The following EXOC4 variants were observed in gnomAD, a reference collection of about 807,000 sequenced individuals.
EXOC4 encodes the protein SEC8-like 1.
In EXOC4, 71 loss-of-function variants were observed where a neutral mutation model predicts 107.2. That is an observed-to-expected ratio of 0.66 (90% CI 0.55 to 0.81). EXOC4 has a LOEUF of 0.81. Ranked by LOEUF, EXOC4 falls within the 30% of genes least tolerant of loss-of-function variation. The probability of loss-of-function intolerance (pLI) is 0.00; values close to 1 mark genes in which losing one functional copy is unlikely to be tolerated. For missense variants in EXOC4, 1,108 were observed against 1,189.6 expected, an observed-to-expected ratio of 0.93 and a Z score of 1.01; for synonymous variants, 456 against 441.2, an observed-to-expected ratio of 1.03 and a Z score of -0.42.
At chr7:133,409,125 T>G (rs1797297856) in intron 7 of EXOC4, among the ~76,000 whole-genome samples, 1 of 152,192 alleles carries the variant, frequency 6.6e-6, no homozygotes, top group Admixed American at 6.5e-5. Flanking sequence ...TCTGTGTTGT[T>G]CATAAGGGAT....
chr7:134,039,725 C>CA (rs1399711516), intron 17 of EXOC4, among the ~76,000 whole-genome samples: 2 of 152,158 alleles, frequency 1.3e-5, no homozygotes, highest in African/African-American at 4.8e-5. Context: ...AGTTTACATG[C>CA]AAAGCTCATC....
At chr7:133,401,032 T>C (rs778756482) in intron 7 of EXOC4, among the ~76,000 whole-genome samples, 4 of 152,146 alleles carry the variant, frequency 2.6e-5, no homozygotes, top group Non-Finnish European at 4.4e-5. Context: ...TAAAAGTTTT[T>C]TAAATGTCCT....
At chr7:133,807,532 T>C (rs1797108082) in intron 10 of EXOC4, among the ~76,000 whole-genome samples, 1 of 152,072 alleles carries the variant, frequency 6.6e-6, no homozygotes, top group South Asian at 2.1e-4. Flanking sequence ...AGGTGTATGA[T>C]GGATATTTTG....
intron 1 of EXOC4, among the ~76,000 whole-genome samples, chr7:133,273,211 G>A (rs1377478893): frequency 1.3e-5 from 2 of 152,186 alleles, no homozygotes; most frequent in Non-Finnish European, 2.9e-5. Context: ...AAAACAACAA[G>A]AAGACATGAT....
At chr7:133,665,642 T>G (rs1274554032) in intron 10 of EXOC4, among the ~76,000 whole-genome samples, 1 of 152,140 alleles carries the variant, frequency 6.6e-6, no homozygotes, top group African/African-American at 2.4e-5. Context: ...TTCAGAACAC[T>G]TTTTACCCTA....
At chr7:133,815,858 G>A (rs1316755557) in intron 10 of EXOC4, among the ~76,000 whole-genome samples, 4 of 152,128 alleles carry the variant, frequency 2.6e-5, no homozygotes, top group Admixed American at 6.5e-5. Context: ...CTGTAACTCC[G>A]TTTACATTCA....
chr7:133,721,591 C>T (rs994000903), intron 10 of EXOC4, among the ~76,000 whole-genome samples: 1 of 152,118 alleles, frequency 6.6e-6, no homozygotes, highest in Non-Finnish European at 1.5e-5. Context: ...GTTTTTGAAT[C>T]TTTGTGGTCA....
At chr7:133,970,179 G>T (rs1205712752) in intron 14 of EXOC4, among the ~76,000 whole-genome samples, 1 of 151,942 alleles carries the variant, frequency 6.6e-6, no homozygotes, top group Non-Finnish European at 1.5e-5. Flanking sequence ...CTCAGAAATG[G>T]CAGACACCCC....
chr7:133,786,730 A>C (rs1328277351), intron 10 of EXOC4, among the ~76,000 whole-genome samples: 1 of 152,174 alleles, frequency 6.6e-6, no homozygotes, highest in Non-Finnish European at 1.5e-5. Context: ...CCTCCATCTA[A>C]CTGAAGGCCA....
chr7:133,742,446 A>C (rs1795586070), intron 10 of EXOC4, among the ~76,000 whole-genome samples: 1 of 152,214 alleles, frequency 6.6e-6, no homozygotes, highest in South Asian at 2.1e-4. Context: ...TTACTGAATT[A>C]TGTTTGCTTA....
chr7:133,501,107 A>G (rs1010760998), intron 9 of EXOC4, among the ~76,000 whole-genome samples: 1 of 152,204 alleles, frequency 6.6e-6, no homozygotes, highest in Non-Finnish European at 1.5e-5. Flanking sequence ...ATTATTCATT[A>G]AAAATAATGC....
At chr7:133,775,744 A>G (rs938536822) in intron 10 of EXOC4, among the ~76,000 whole-genome samples, 2 of 152,122 alleles carry the variant, frequency 1.3e-5, no homozygotes, top group Non-Finnish European at 2.9e-5. Flanking sequence ...TCACTTTTCT[A>G]TTGCACATCC....
intron 7 of EXOC4, among the ~76,000 whole-genome samples, chr7:133,407,330 G>A (rs1797244731): frequency 1.3e-5 from 2 of 152,110 alleles, no homozygotes; most frequent in African/African-American, 2.4e-5. Context: ...AATCCCACAT[G>A]TCTTAGCTTA....
intron 17 of EXOC4, among the ~76,000 whole-genome samples, chr7:134,014,722 C>A (rs1005599386): frequency 6.6e-6 from 1 of 151,606 alleles, no homozygotes; most frequent in Non-Finnish European, 1.5e-5. Flanking sequence ...TGTGACTATT[C>A]TAAAAGTCCT....
intron 11 of EXOC4, among the ~76,000 whole-genome samples, chr7:133,863,198 T>G (rs1483991514): frequency 3.9e-5 from 6 of 152,170 alleles, no homozygotes; most frequent in Admixed American, 2.6e-4. Flanking sequence ...AACCTCTGGC[T>G]ATCAACACTG....
At chr7:133,906,732 C>T (rs1455082952) in intron 12 of EXOC4, among the ~76,000 whole-genome samples, 2 of 152,216 alleles carry the variant, frequency 1.3e-5, no homozygotes, top group Admixed American at 6.5e-5. Flanking sequence ...CGCTGACTTC[C>T]ATCCCTCCAG....
chr7:133,371,445 A>C (rs974416511), intron 6 of EXOC4, among the ~76,000 whole-genome samples: 1 of 151,940 alleles, frequency 6.6e-6, no homozygotes, highest in Non-Finnish European at 1.5e-5. Context: ...TTGTGTCTCT[A>C]TAAATTTGCC....
chr7:133,741,586 C>T (rs1795566095), intron 10 of EXOC4, among the ~76,000 whole-genome samples: 1 of 152,174 alleles, frequency 6.6e-6, no homozygotes, highest in African/African-American at 2.4e-5. Context: ...ACATAGTTGG[C>T]ACTCAGAAAA....
intron 9 of EXOC4, among the ~76,000 whole-genome samples, chr7:133,510,294 A>G (rs1584967362): frequency 6.6e-6 from 1 of 152,212 alleles, no homozygotes; most frequent in Admixed American, 6.5e-5. Context: ...GCACACATCC[A>G]TAGTTCATTC....
Sources: gnomAD v4.1 joint callset for allele counts (sites outside exome capture counted in the v4.1 genomes callset) on GRCh38, gnomAD v4.1.1 for gene constraint, MANE v1.5 for transcripts, NCBI Gene and HGNC (gene_info 2026-07-23, HGNC 2026-07-21) for gene names.